Variants in MEIS2 observed in about 807,000 individuals in gnomAD.
The protein encoded by MEIS2 is homeobox protein Meis2.
In MEIS2, 9 loss-of-function variants were observed where a neutral mutation model predicts 58.6. The ratio of observed to expected loss-of-function variants is 0.15; its 90% CI spans 0.09 to 0.27. The LOEUF (loss-of-function observed/expected upper bound fraction) is 0.27. MEIS2 is among the 10% of genes least tolerant of loss of function. The pLI, the probability that MEIS2 is intolerant of heterozygous loss-of-function variation, is 1.00. For missense variants in MEIS2, 427 were observed against 635.0 expected (o/e 0.67, Z 3.52); for synonymous variants, 221 against 228.4 (o/e 0.97, Z 0.29).
chr15:36,949,010 A>G (rs962835005), intron 9 of MEIS2, among the ~76,000 whole-genome samples: 16 of 152,020 alleles, frequency 1.1e-4, no homozygotes, highest in African/African-American at 3.1e-4. Flanking sequence ...TCACCCTGAC[A>G]GAAGCAAGGC....
chr15:37,030,349 A>T (rs2141709649), intron 8 of MEIS2, among the ~76,000 whole-genome samples: 1 of 152,094 alleles, frequency 6.6e-6, no homozygotes, highest in South Asian at 2.1e-4. Flanking sequence ...TCTCCTACTG[A>T]GGGGTATTTC....
intron 7 of MEIS2, among the ~76,000 whole-genome samples, chr15:37,054,839 G>C (rs1163394293): frequency 6.6e-6 from 1 of 152,190 alleles, no homozygotes; most frequent in Non-Finnish European, 1.5e-5. Context: ...ATTGAGAAAT[G>C]ATTAGCGTAC....
At chr15:37,013,133 C>T (rs768319801) in intron 8 of MEIS2, among the ~76,000 whole-genome samples, 11 of 152,116 alleles carry the variant, frequency 7.2e-5, no homozygotes, top group Non-Finnish European at 1.6e-4. Context: ...TTCATGGAGT[C>T]CAGGAGAATC....
At position 37,079,979 on chromosome 15, in the gene MEIS2, A is replaced by T. The variant is rs529371200; in HGVS notation, c.754+3792T>A. Among the ~76,000 whole-genome samples the T allele has an allele frequency of 2.0e-5, 3 of 152,306 alleles. No individual in the cohort carries two copies. In the East Asian group the frequency reaches 5.8e-4, roughly 29 times the overall value. On this transcript the variant is annotated intron_variant, in intron 7 of 11. Transcript: ENST00000561208. ...ATTTCTGGGAATCCTGCCTATTCAC[A>T]GTGCAGGGATTGTTCAATTGCTGCA...
chr15:37,033,454 A>T (rs2062013172), intron 8 of MEIS2, among the ~76,000 whole-genome samples: 1 of 152,168 alleles, frequency 6.6e-6, no homozygotes, highest in Non-Finnish European at 1.5e-5. Context: ...CTTCTTTTTT[A>T]AAAAAGAAAG....
At chr15:36,997,908 G>A (rs1208296366) in intron 8 of MEIS2, among the ~76,000 whole-genome samples, 1 of 152,190 alleles carries the variant, frequency 6.6e-6, no homozygotes, top group Non-Finnish European at 1.5e-5. Context: ...CTTACAAAGT[G>A]CTGACCGAGG....
At chr15:36,947,070 T>G (rs1197596641) in intron 9 of MEIS2, among the ~76,000 whole-genome samples, 3 of 152,004 alleles carry the variant, frequency 2.0e-5, no homozygotes, top group Admixed American at 6.6e-5. Flanking sequence ...AGAAAGTGAG[T>G]CTTATCACTT....
chr15:37,039,552 C>T (rs1205109288), intron 7 of MEIS2, among the ~76,000 whole-genome samples: 1 of 152,152 alleles, frequency 6.6e-6, no homozygotes, highest in Non-Finnish European at 1.5e-5. Flanking sequence ...TTCCACAGTG[C>T]ATCTTTTCTT....
chr15:37,016,098 G>A (rs1445851923), intron 8 of MEIS2, among the ~76,000 whole-genome samples: 1 of 152,056 alleles, frequency 6.6e-6, no homozygotes, highest in Non-Finnish European at 1.5e-5. Flanking sequence ...AAAATGAAAC[G>A]TTACTGATGG....
intron 8 of MEIS2, among the ~76,000 whole-genome samples, chr15:36,957,101 G>A (rs562452667): frequency 6.6e-6 from 1 of 152,174 alleles, no homozygotes; most frequent in Non-Finnish European, 1.5e-5. Flanking sequence ...AAATTTGAAA[G>A]ATAGAGGCTT....
intron 9 of MEIS2, among the ~76,000 whole-genome samples, chr15:36,939,082 G>A (rs1320269554): frequency 1.3e-5 from 2 of 152,026 alleles, no homozygotes; most frequent in Non-Finnish European, 2.9e-5. Context: ...ATGGTCTCTC[G>A]TACTATTTCC....
intron 8 of MEIS2, among the ~76,000 whole-genome samples, chr15:36,995,833 A>T (rs997688929): frequency 4.1e-5 from 6 of 146,972 alleles, no homozygotes; most frequent in Admixed American, 6.8e-5. Flanking sequence ...TATTGCGGTA[A>T]GTGAGCACAC....
intron 8 of MEIS2, among the ~76,000 whole-genome samples, chr15:37,012,873 T>G (rs1034122119): frequency 2.0e-5 from 3 of 152,222 alleles, no homozygotes; most frequent in African/African-American, 7.2e-5. Context: ...TTTTTGGCAC[T>G]TTAGGTATAT....
At chr15:37,087,209 A>G (rs181630130) in intron 6 of MEIS2, among the ~76,000 whole-genome samples, 276 of 152,284 alleles carry the variant, frequency 1.8e-3, no homozygotes, top group African/African-American at 6.3e-3. Flanking sequence ...AATCATGAAG[A>G]CACCCGAGGG....
chr15:36,983,051 T>C (rs1198390511), intron 8 of MEIS2, among the ~76,000 whole-genome samples: 1 of 152,142 alleles, frequency 6.6e-6, no homozygotes, highest in Non-Finnish European at 1.5e-5. Flanking sequence ...GGATATTATC[T>C]CATCAGCTGT....
rs551975927 is a variant in MEIS2 at position 37,003,759 on chromosome 15, G to A, written c.900+33055C>T. The stretch of plus-strand genomic sequence containing the variant: ...CCAATGTGAGGATATTAGGAAGTGG[G>A]GCCTTCCAGTAGGTGATTAGGTCAT... On this transcript the variant is annotated intron_variant, in intron 8 of 11. Coordinates refer to ENST00000561208, the MANE Select transcript of MEIS2 (RefSeq NM_170675.5). Among the ~76,000 whole-genome samples the A allele has an allele frequency of 3.9e-5, 6 of 152,246 alleles. No individual in the cohort carries two copies. In the East Asian group the frequency reaches 1.2e-3, roughly 29 times the overall value.
At chr15:36,978,840 C>T (rs1204315661) in intron 8 of MEIS2, among the ~76,000 whole-genome samples, 1 of 152,114 alleles carries the variant, frequency 6.6e-6, no homozygotes, top group Non-Finnish European at 1.5e-5. Flanking sequence ...ATGGATGCAC[C>T]ATGATTTGTC....
chr15:36,948,756 T>A (rs566603739), intron 9 of MEIS2, among the ~76,000 whole-genome samples: 15 of 152,104 alleles, frequency 9.9e-5, no homozygotes, highest in African/African-American at 3.1e-4. Context: ...GCTAGGAACA[T>A]AAATGAGAAT....
chr15:36,916,259 C>T (rs1245038197), intron 9 of MEIS2, among the ~76,000 whole-genome samples: 1 of 151,670 alleles, frequency 6.6e-6, no homozygotes, highest in African/African-American at 2.4e-5. Context: ...AACCCTGTCT[C>T]TACTAAAAAT....
Sources: allele counts gnomAD v4.1 joint callset (sites outside exome capture counted in the v4.1 genomes callset), GRCh38; gene constraint gnomAD v4.1.1; transcripts MANE v1.5; gene names NCBI Gene and HGNC (gene_info 2026-07-23, HGNC 2026-07-21).